SLC22A23: variants seen among roughly 807,000 people sequenced by gnomAD.
SLC22A23 encodes the protein solute carrier family 22 member 23.
Under a neutral mutation model 61.0 loss-of-function variants are expected in SLC22A23, and 26 were observed. The observed-to-expected ratio is 0.43, with a 90% CI of 0.31 to 0.59. SLC22A23 has a LOEUF of 0.59. Ranked by LOEUF, SLC22A23 falls within the 20% of genes least tolerant of loss-of-function variation. The pLI, the probability that SLC22A23 is intolerant of heterozygous loss-of-function variation, is 0.11. For synonymous variants in SLC22A23, 430 were observed against 413.9 expected, an observed-to-expected ratio of 1.04 and a Z score of -0.47; for missense variants, 796 against 934.7, an observed-to-expected ratio of 0.85 and a Z score of 1.94.
intron 3 of SLC22A23, among the ~76,000 whole-genome samples, chr6:3,376,786 G>T (rs1766597813): frequency 6.6e-6 from 1 of 152,166 alleles, no homozygotes; most frequent in Non-Finnish European, 1.5e-5. Context: ...AGTGAAGTAG[G>T]TCCTGCAGGG....
In SLC22A23 at chr6:3,284,104, C is replaced by T. The variant is rs545427801; in HGVS notation, c.1580-129G>A. On this transcript the variant is annotated intron_variant, in intron 8 of 9. Coordinates refer to ENST00000406686, the MANE Select transcript of SLC22A23 (RefSeq NM_015482.2). ...TTGCGGCATGGATGGGTATGCAATT[C>T]CCTCTGGGGACCAAGCAGCACCTCA... The T allele has an allele frequency of 5.5e-5, 51 of 923,204 alleles. No individual in the cohort carries two copies. The East Asian group carries it at 1.1e-3, about 21-fold the overall frequency. The allele number at this position is 923,204 out of a possible 1,614,324, so 57.2% of individuals were successfully genotyped here.
At chr6:3,447,281 A>G (rs1257580309) in intron 1 of SLC22A23, among the ~76,000 whole-genome samples, 5 of 151,932 alleles carry the variant, frequency 3.3e-5, no homozygotes, top group African/African-American at 1.2e-4. Context: ...TCTACCTCCT[A>G]CTCAAACCTC....
At chr6:3,307,164 C>G (rs1335616404) in intron 4 of SLC22A23, among the ~76,000 whole-genome samples, 1 of 152,204 alleles carries the variant, frequency 6.6e-6, no homozygotes. Flanking sequence ...TACTGACAAG[C>G]TGAGGGTAGG....
Position 3,390,918 on chromosome 6 carries a change from T to C in SLC22A23, c.913+19270A>G, listed in dbSNP as rs951114305. On this transcript the variant is annotated intron_variant, in intron 3 of 9. Coordinates refer to ENST00000406686, the MANE Select transcript of SLC22A23 (RefSeq NM_015482.2). The surrounding 1 kb of genome is among the most constrained non-coding windows in gnomAD (Gnocchi z 4.0). ...GGAACCATGACACTTACTGTTGATG[T>C]TGGCGCCTCTTTTTCCGTGAATTTG... Among the ~76,000 whole-genome samples the C allele has an allele frequency of 6.6e-6, 1 of 152,242 alleles. No homozygotes were observed. The highest frequency in any genetic ancestry group is 1.5e-5 in the Non-Finnish European group (1 of 68,036).
In SLC22A23 at chr6:3,414,750, T is replaced by C. The variant is rs947918527; in HGVS notation, c.758+1002A>G. On this transcript the variant is annotated intron_variant, in intron 2 of 9. Coordinates refer to ENST00000406686, the MANE Select transcript of SLC22A23 (RefSeq NM_015482.2). The surrounding 1 kb of genome is among the most constrained non-coding windows in gnomAD (Gnocchi z 5.1). ...AAAAAAAAAAAAAAAAAAAATCCTTTAAAGATAAAAGAATGTAAGCTGGGG... is the reference window on the plus strand; with the variant it reads ...AAAAAAAAAAAAAAAAAAAATCCTTCAAAGATAAAAGAATGTAAGCTGGGG... Among the ~76,000 whole-genome samples the C allele has an allele frequency of 2.7e-5, 4 of 150,866 alleles. No individual in the cohort carries two copies. Among genetic ancestry groups the C allele is most frequent in the Non-Finnish European group, 5.9e-5 (4 of 67,910 alleles).
At chr6:3,288,226 T>C (rs901438533) in intron 6 of SLC22A23, among the ~76,000 whole-genome samples, 1 of 152,192 alleles carries the variant, frequency 6.6e-6, no homozygotes, top group Non-Finnish European at 1.5e-5. Context: ...GGACCCTTCT[T>C]ATGTCTGCTC....
At chr6:3,280,490 C>CTTTTTTTTTTTTTTTTT (rs1163139930) in intron 9 of SLC22A23, among the ~76,000 whole-genome samples, 2 of 57,288 alleles carry the variant, frequency 3.5e-5, no homozygotes, top group African/African-American at 1.1e-4. Flanking sequence ...TAAGACACAA[C>CTTTTTTTTTTTTTTTTT]TTTTTTTTTT....
intron 5 of SLC22A23, 54 bp from the exon 6 acceptor site, chr6:3,289,920 A>C (rs748732107): frequency 4.8e-6 from 7 of 1,459,148 alleles, no homozygotes; most frequent in Non-Finnish European, 6.7e-6. Context: ...AGAGGACAGG[A>C]CAGCAGCTGC....
At chr6:3,440,572 T>G (rs1007014315) in intron 1 of SLC22A23, among the ~76,000 whole-genome samples, 9 of 151,916 alleles carry the variant, frequency 5.9e-5, no homozygotes, top group Non-Finnish European at 1.3e-4. Context: ...CTGGGCACGG[T>G]GGCGGGCGCC....
intron 3 of SLC22A23, among the ~76,000 whole-genome samples, chr6:3,345,950 G>A (rs1355450093): frequency 1.3e-5 from 2 of 152,174 alleles, no homozygotes; most frequent in Non-Finnish European, 2.9e-5. Flanking sequence ...CTCCGAGAGT[G>A]TTGGCTGCTG....
At chr6:3,448,483 T>TTTTTTTGTTTTTTG (rs70998399) in intron 1 of SLC22A23, among the ~76,000 whole-genome samples, 1 of 151,440 alleles carries the variant, frequency 6.6e-6, no homozygotes, top group African/African-American at 2.4e-5. Context: ...GTCCACCATG[T>TTTTTTTGTTTTTTG]TTTTTTGTTT....
At chr6:3,285,749 C>T (rs1293541662) in intron 7 of SLC22A23, among the ~76,000 whole-genome samples, 1 of 152,240 alleles carries the variant, frequency 6.6e-6, no homozygotes, top group East Asian at 1.9e-4. Flanking sequence ...TAGAAAGCTG[C>T]TCCTGAGTTT....
At chr6:3,343,057 C>T (rs753324840) in intron 3 of SLC22A23, among the ~76,000 whole-genome samples, 2 of 152,204 alleles carry the variant, frequency 1.3e-5, no homozygotes, top group Non-Finnish European at 2.9e-5. Flanking sequence ...TTCTCATCTT[C>T]ACCTCTGCTG....
chr6:3,418,096 G>C (rs889948781), intron 1 of SLC22A23, among the ~76,000 whole-genome samples: 2 of 152,198 alleles, frequency 1.3e-5, no homozygotes, highest in Admixed American at 6.5e-5. Flanking sequence ...CTCTGGGAGA[G>C]GAGGTGCTCT....
chr6:3,274,053 CAG>C (rs1182696075), intron 9 of SLC22A23, among the ~76,000 whole-genome samples: 2 of 152,316 alleles, frequency 1.3e-5, no homozygotes, highest in Admixed American at 6.5e-5. Flanking sequence ...TGTGCACTGA[CAG>C]AGAGGAACTC....
At position 3,270,443 on chromosome 6, in the gene SLC22A23, T is replaced by C. The variant is rs1005440602; in HGVS notation, c.*2612A>G. 2 of 152,384 alleles carry C rather than the reference T, an allele frequency of 1.3e-5. No homozygotes were observed. Among genetic ancestry groups the C allele is most frequent in the Admixed American group, 6.5e-5 (1 of 15,286 alleles). The allele number at this position is 152,384 out of a possible 1,614,324, so 9.4% of individuals were successfully genotyped here. The stretch of plus-strand genomic sequence containing the variant: ...GTGTTGCTGCTCTGGCAACATTTCA[T>C]AAAGGTGTTGCTCAACAGCTTCAGG... On this transcript the variant is annotated 3_prime_UTR_variant, in exon 10 of 10. Coordinates refer to ENST00000406686, the MANE Select transcript of SLC22A23 (RefSeq NM_015482.2).
chr6:3,397,462 T>C (rs1178912502), intron 3 of SLC22A23, among the ~76,000 whole-genome samples: 1 of 152,180 alleles, frequency 6.6e-6, no homozygotes, highest in Non-Finnish European at 1.5e-5. Flanking sequence ...AAGGCATCTC[T>C]AGCAAATTAG....
At chr6:3,300,429 C>T (rs1329710305) in intron 4 of SLC22A23, among the ~76,000 whole-genome samples, 1 of 152,098 alleles carries the variant, frequency 6.6e-6, no homozygotes, top group Non-Finnish European at 1.5e-5. Flanking sequence ...AGAGATAGGG[C>T]CTTTAGGGGT....
intron 1 of SLC22A23, among the ~76,000 whole-genome samples, chr6:3,419,207 C>T (rs1769950155): frequency 6.6e-6 from 1 of 152,184 alleles, no homozygotes; most frequent in Admixed American, 6.5e-5. Context: ...AGTCACCTCC[C>T]TCCCCATCAA....
Sources: gnomAD v4.1 joint callset for allele counts (sites outside exome capture counted in the v4.1 genomes callset) on GRCh38, gnomAD v4.1.1 for gene constraint, Gnocchi (gnomAD v3.1) non-coding constraint, MANE v1.5 for transcripts, NCBI Gene and HGNC (gene_info 2026-07-23, HGNC 2026-07-21) for gene names.